CHD1: variants seen among roughly 807,000 people sequenced by gnomAD.
The protein encoded by CHD1 is chromodomain helicase DNA binding protein 1.
A neutral mutation model predicts 224.2 loss-of-function variants in CHD1; 36 were observed. The observed-to-expected ratio is 0.16, with a 90% CI of 0.12 to 0.21. The LOEUF (loss-of-function observed/expected upper bound fraction) is 0.21, where lower values mean the gene tolerates loss of function less well. Among genes scored for constraint, CHD1 ranks in the 10% least tolerant of loss-of-function variants. The pLI is 1.00. For synonymous variants in CHD1, 668 were observed against 658.3 expected, an observed-to-expected ratio of 1.01 and a Z score of -0.23; for missense variants, 1,378 against 1,994.8, an observed-to-expected ratio of 0.69 and a Z score of 5.89.
Position 98,856,370 on chromosome 5 carries a change from TCA to T in CHD1, c.*8_*9del, listed in dbSNP as rs1299711668. The T allele has an allele frequency of 2.5e-6, 4 of 1,594,308 alleles. No individual in the cohort carries two copies. The highest frequency in any genetic ancestry group is 3.4e-6 in the Non-Finnish European group (4 of 1,163,624). On this transcript the variant is annotated 3_prime_UTR_variant, in exon 36 of 36. Transcript: ENST00000614616. ...AAGAAAAGTCCAGAAAGACGAAGTA[TCA>T]GTTTTTGTTATGTTTTCCGACTACT... is the stretch of plus-strand genomic sequence containing the variant.
At position 98,899,652 on chromosome 5, in the gene CHD1, C is replaced by A. The variant is rs781238322; in HGVS notation, c.913G>T (p.Ala305Ser). ...YAVEADGDPNAGFEKNKEPGE... is the reference protein window; with the variant it reads ...YAVEADGDPNSGFEKNKEPGE... The stretch of plus-strand genomic sequence containing the variant: ...GGTTCTTTGTTTTTTTCAAAGCCTG[C>A]ATTTGGGTCACCATCTGCTTCAACT... The change falls in exon 8 of 36, where the codon GCA becomes TCA. Residue 305 changes from alanine to serine, a missense_variant. Transcript: ENST00000614616. 1 of 1,613,804 alleles carries A rather than the reference C, an allele frequency of 6.2e-7. No individual in the cohort carries two copies. Among genetic ancestry groups the A allele is most frequent in the Admixed American group, 1.7e-5 (1 of 59,994 alleles).
chr5:98,912,877 A>G (rs867415926), intron 2 of CHD1, among the ~76,000 whole-genome samples: 38 of 152,314 alleles, frequency 2.5e-4, no homozygotes, highest in Middle Eastern at 3.4e-3. Context: ...TCCTTAGCAC[A>G]TAAAGATTTT....
At chr5:98,868,961 G>A in intron 30 of CHD1, 2 of 780,658 alleles carry the variant, frequency 2.6e-6, no homozygotes, top group Non-Finnish European at 3.1e-6. Flanking sequence ...CTCCTAAAAT[G>A]TAAATATGCT....
intron 32 of CHD1, among the ~76,000 whole-genome samples, chr5:98,861,938 C>T (rs1024544358): frequency 6.6e-6 from 1 of 152,036 alleles, no homozygotes; most frequent in African/African-American, 2.4e-5. Flanking sequence ...AGGCAGATTC[C>T]TTGAGGTCAG....
chr5:98,928,099 C>T (rs1753603326), intron 1 of CHD1, among the ~76,000 whole-genome samples: 1 of 152,108 alleles, frequency 6.6e-6, no homozygotes, highest in Admixed American at 6.5e-5. Context: ...GCCTCCATCC[C>T]GGTCCAGGAG....
chr5:98,904,796 T>G, intron 3 of CHD1, 101 bp downstream of exon 3: 2 of 1,031,354 alleles, frequency 1.9e-6, no homozygotes, highest in Non-Finnish European at 3.0e-6. Flanking sequence ...TAAAATGTTG[T>G]CTTCTCTAAA....
intron 35 of CHD1, 37 bp downstream of exon 35, chr5:98,858,143 G>T: frequency 6.4e-7 from 1 of 1,552,600 alleles, no homozygotes; most frequent in Non-Finnish European, 8.9e-7. Context: ...AGAAAAACAT[G>T]CATAAGCAAA....
At chr5:98,920,916 A>AAAGTC (rs1561280746) in intron 2 of CHD1, among the ~76,000 whole-genome samples, 1 of 152,198 alleles carries the variant, frequency 6.6e-6, no homozygotes, top group African/African-American at 2.4e-5. Flanking sequence ...ACTCTCACAG[A>AAAGTC]TGAAAGGAGA....
chr5:98,872,607 T>C (rs750907229), intron 26 of CHD1, 52 bp from the exon 27 acceptor site: 22 of 1,464,850 alleles, frequency 1.5e-5, no homozygotes, highest in Non-Finnish European at 2.1e-5. Context: ...AACATAATTC[T>C]ACAAAACACC....
intron 34 of CHD1, 33 bp downstream of exon 34, chr5:98,858,931 A>G: frequency 6.9e-7 from 1 of 1,455,988 alleles, no homozygotes; most frequent in Non-Finnish European, 9.1e-7. Context: ...AATTTTTTTT[A>G]ATTTATTTTC....
intron 2 of CHD1, among the ~76,000 whole-genome samples, chr5:98,926,059 T>C (rs951779437): frequency 1.5e-4 from 23 of 152,108 alleles, no homozygotes; most frequent in Non-Finnish European, 8.8e-5. Flanking sequence ...AGCTTAATTA[T>C]TAGCTCAAAT....
intron 23 of CHD1, among the ~76,000 whole-genome samples, chr5:98,877,982 A>T (rs980890661): frequency 3.9e-5 from 6 of 152,206 alleles, no homozygotes; most frequent in Non-Finnish European, 5.9e-5. Flanking sequence ...TATACAGGAG[A>T]TTACAAAAAG....
At chr5:98,863,371 T>A in intron 32 of CHD1, 37 bp downstream of exon 32, 4 of 1,218,010 alleles carry the variant, frequency 3.3e-6, no homozygotes, top group Non-Finnish European at 4.4e-6. Flanking sequence ...AGTTATATAA[T>A]ATAAATTTAA....
chr5:98,887,215 TA>T (rs1234255544), intron 17 of CHD1, among the ~76,000 whole-genome samples: 1 of 152,164 alleles, frequency 6.6e-6, no homozygotes, highest in Non-Finnish European at 1.5e-5. Flanking sequence ...CGTTTTCCCC[TA>T]AATGACTGCA....
chr5:98,859,518 A>C (rs1053594414), intron 33 of CHD1, among the ~76,000 whole-genome samples: 1 of 152,134 alleles, frequency 6.6e-6, no homozygotes. Flanking sequence ...TTAGAAGAGT[A>C]GCAGACAGTT....
chr5:98,878,706 T>C (rs1749949363), intron 23 of CHD1, among the ~76,000 whole-genome samples: 1 of 152,086 alleles, frequency 6.6e-6, no homozygotes, highest in South Asian at 2.1e-4. Context: ...TTAACAAACA[T>C]AGTTGAAAAA....
intron 2 of CHD1, among the ~76,000 whole-genome samples, chr5:98,918,696 T>C (rs1752901795): frequency 1.4e-5 from 2 of 142,326 alleles, no homozygotes; most frequent in Non-Finnish European, 3.0e-5. Flanking sequence ...TGTTGGAGGA[T>C]GCAGTGAGCC....
intron 2 of CHD1, among the ~76,000 whole-genome samples, chr5:98,915,806 A>G (rs1226832116): frequency 6.6e-6 from 1 of 152,172 alleles, no homozygotes; most frequent in African/African-American, 2.4e-5. Context: ...TGGTGTGTAC[A>G]TGGGGCTCAT....
At chr5:98,914,885 A>C (rs956489322) in intron 2 of CHD1, among the ~76,000 whole-genome samples, 1 of 130,982 alleles carries the variant, frequency 7.6e-6, no homozygotes, top group Non-Finnish European at 1.6e-5. Flanking sequence ...TTTTATACAT[A>C]TATCTCTCCT....
Sources: gnomAD v4.1 joint callset for allele counts (sites outside exome capture counted in the v4.1 genomes callset) on GRCh38, gnomAD v4.1.1 for gene constraint, MANE v1.5 for transcripts, NCBI Gene and HGNC (gene_info 2026-07-23, HGNC 2026-07-21) for gene names.